The following PDE10A variants were observed in gnomAD, a reference collection of about 807,000 sequenced individuals.
The protein encoded by PDE10A is cAMP and cAMP-inhibited cGMP 3',5'-cyclic phosphodiesterase 10A.
PDE10A carries 39 observed loss-of-function variants against 97.7 expected under a neutral mutation model. The ratio of observed to expected loss-of-function variants is 0.40; its 90% CI spans 0.31 to 0.52. The LOEUF is 0.52. PDE10A is among the 20% of genes least tolerant of loss of function. The pLI is 0.56. For missense variants in PDE10A, 731 were observed against 1,047.8 expected, an observed-to-expected ratio of 0.70 and a Z score of 4.17; for synonymous variants, 371 against 376.8, an observed-to-expected ratio of 0.98 and a Z score of 0.18.
intron 1 of PDE10A, among the ~76,000 whole-genome samples, chr6:165,619,306 A>C (rs1456246779): frequency 1.3e-5 from 2 of 151,058 alleles, no homozygotes; most frequent in Non-Finnish European, 2.9e-5. Flanking sequence ...AGTGTAGTGT[A>C]GTGTAGTCTA....
At chr6:165,688,581 G>T (rs1372440456) in intron 1 of PDE10A, among the ~76,000 whole-genome samples, 1 of 152,120 alleles carries the variant, frequency 6.6e-6, no homozygotes, top group Admixed American at 6.6e-5. Flanking sequence ...CGCAACTGTT[G>T]GTGTGATGGG....
intron 1 of PDE10A, among the ~76,000 whole-genome samples, chr6:165,982,307 A>G (rs1785043654): frequency 6.6e-6 from 1 of 152,210 alleles, no homozygotes; most frequent in Non-Finnish European, 1.5e-5. Context: ...GAACCCAGAA[A>G]ACTGGGCTGG....
intron 1 of PDE10A, among the ~76,000 whole-genome samples, chr6:165,659,038 C>G (rs1290356413): frequency 6.6e-6 from 1 of 152,128 alleles, no homozygotes; most frequent in African/African-American, 2.4e-5. Context: ...GGTCCTGGGT[C>G]CTGGCGGTAG....
intron 1 of PDE10A, among the ~76,000 whole-genome samples, chr6:165,580,833 C>CT (rs1785574258): frequency 6.7e-6 from 1 of 150,116 alleles, no homozygotes; most frequent in Non-Finnish European, 1.5e-5. Context: ...TCCTACCCAA[C>CT]GAGAAAGAAG....
At chr6:165,817,738 T>C (rs1003578521) in intron 1 of PDE10A, among the ~76,000 whole-genome samples, 1 of 152,158 alleles carries the variant, frequency 6.6e-6, no homozygotes, top group African/African-American at 2.4e-5. Flanking sequence ...GGTTGTAGCG[T>C]TGACTGTCAA....
At chr6:165,574,674 G>C (rs1368731167) in intron 1 of PDE10A, among the ~76,000 whole-genome samples, 1 of 152,138 alleles carries the variant, frequency 6.6e-6, no homozygotes, top group African/African-American at 2.4e-5. Flanking sequence ...TTACTTACTA[G>C]TCTCGGCTCA....
chr6:165,801,283 G>A (rs923990903), intron 1 of PDE10A, among the ~76,000 whole-genome samples: 1 of 152,316 alleles, frequency 6.6e-6, no homozygotes, highest in Non-Finnish European at 1.5e-5. Context: ...GGTGGCTCAC[G>A]CCTGTAAACC....
chr6:165,463,533 T>C (rs978119921), intron 3 of PDE10A, among the ~76,000 whole-genome samples: 1 of 152,262 alleles, frequency 6.6e-6, no homozygotes, highest in Non-Finnish European at 1.5e-5. Flanking sequence ...ATTTCAATGA[T>C]GATTGTGCTT....
intron 1 of PDE10A, among the ~76,000 whole-genome samples, chr6:165,720,620 G>A (rs1160147604): frequency 6.6e-6 from 1 of 152,188 alleles, no homozygotes; most frequent in Non-Finnish European, 1.5e-5. Flanking sequence ...GTGAACACCT[G>A]TTGGCTGAAA....
At chr6:165,560,115 C>T (rs561270334) in intron 1 of PDE10A, among the ~76,000 whole-genome samples, 1 of 152,146 alleles carries the variant, frequency 6.6e-6, no homozygotes. Flanking sequence ...ACAGGTTGGT[C>T]CTAAAATAGG....
At chr6:165,651,292 T>C (rs957382537) in intron 1 of PDE10A, among the ~76,000 whole-genome samples, 1 of 152,260 alleles carries the variant, frequency 6.6e-6, no homozygotes. Context: ...TTCCCTTCCG[T>C]TGTGATTTGT....
chr6:165,442,318 AGT>A, intron 5 of PDE10A, among the ~76,000 whole-genome samples: 1 of 150,490 alleles, frequency 6.6e-6, no homozygotes, highest in African/African-American at 2.4e-5. Context: ...AACAGGCCCC[AGT>A]GTGTGATGTT....
intron 2 of PDE10A, among the ~76,000 whole-genome samples, chr6:165,512,714 A>G (rs1211032869): frequency 6.6e-6 from 1 of 152,008 alleles, no homozygotes; most frequent in Non-Finnish European, 1.5e-5. Context: ...CAAGAGGAAA[A>G]CTGATCAGTT....
chr6:165,955,005 T>C (rs146916561), intron 1 of PDE10A, among the ~76,000 whole-genome samples: 1 of 152,158 alleles, frequency 6.6e-6, no homozygotes, highest in East Asian at 1.9e-4. Context: ...GCCTTACACC[T>C]CCACAAGGAT....
intron 18 of PDE10A, among the ~76,000 whole-genome samples, chr6:165,373,113 A>C (rs1784378866): frequency 6.6e-6 from 1 of 151,258 alleles, no homozygotes; most frequent in Non-Finnish European, 1.5e-5. Context: ...TTAGACCTAA[A>C]ACCATAAAAA....
rs549634895 is a variant in PDE10A, at chr6:165,454,796, C to T, written c.1024-4434G>A. ...TAACAGTGTCCCTGGAACTGAACGG[C>T]GCAGACTATTGACATATTTTTTTTC... On this transcript the variant is annotated intron_variant, in intron 3 of 21. Coordinates refer to ENST00000539869, the MANE Select transcript of PDE10A (RefSeq NM_001385079.1). Among the ~76,000 whole-genome samples, 5 of 152,220 alleles carry T rather than the reference C, an allele frequency of 3.3e-5. No individual in the cohort carries two copies. The East Asian group carries it at 7.7e-4, about 23-fold the overall frequency.
intron 9 of PDE10A, 96 bp from the exon 10 acceptor site, chr6:165,428,805 T>TA (rs370024191): frequency 6.0e-5 from 32 of 533,262 alleles, no homozygotes; most frequent in African/African-American, 4.5e-4. Flanking sequence ...TACATTTAAA[T>TA]AAAAAACCAT....
At chr6:165,825,145 CAAAAAA>C (rs1199061190) in intron 1 of PDE10A, among the ~76,000 whole-genome samples, 8 of 50,916 alleles carry the variant, frequency 1.6e-4, no homozygotes, top group African/African-American at 5.9e-4. Context: ...GACTCCATCT[CAAAAAA>C]AAAAAAAAAA....
intron 18 of PDE10A, among the ~76,000 whole-genome samples, chr6:165,378,149 CTA>C (rs1317275984): frequency 3.3e-5 from 5 of 152,080 alleles, no homozygotes; most frequent in African/African-American, 1.2e-4. Context: ...TATTAGATAT[CTA>C]TAGTCATTTG....
Sources: allele counts gnomAD v4.1 joint callset (sites outside exome capture counted in the v4.1 genomes callset), GRCh38; gene constraint gnomAD v4.1.1; transcripts MANE v1.5; gene names NCBI Gene and HGNC (gene_info 2026-07-23, HGNC 2026-07-21).